ATP6V1C2: variants seen among roughly 807,000 people sequenced by gnomAD.
ATP6V1C2 encodes the protein ATPase H+ transporting V1 subunit C2, also known as V-type proton ATPase subunit C 2.
A neutral mutation model predicts 56.8 loss-of-function variants in ATP6V1C2; 45 were observed. That is an observed-to-expected ratio of 0.79 (90% CI 0.62 to 1.02). The LOEUF is 1.02. Ranked by LOEUF, ATP6V1C2 falls within the 50% of genes least tolerant of loss-of-function variation. ATP6V1C2 has a pLI of 0.00. For missense variants in ATP6V1C2, 463 were observed against 519.7 expected (o/e 0.89, Z 1.06); for synonymous variants, 220 against 201.3 (o/e 1.09, Z -0.79).
At chr2:10,774,243 G>A (rs1664812762) in intron 8 of ATP6V1C2, among the ~76,000 whole-genome samples, 1 of 152,220 alleles carries the variant, frequency 6.6e-6, no homozygotes, top group South Asian at 2.1e-4. Context: ...TGGGCCTGAG[G>A]GCTCCCACTT....
chr2:10,781,644 C>G (rs563752012), intron 12 of ATP6V1C2, among the ~76,000 whole-genome samples: 3 of 152,248 alleles, frequency 2.0e-5, no homozygotes, highest in African/African-American at 7.2e-5. Context: ...TAGGTGCTAA[C>G]TACTGAACAT....
chr2:10,747,538 C>T (rs1662987741), intron 3 of ATP6V1C2, among the ~76,000 whole-genome samples: 1 of 152,074 alleles, frequency 6.6e-6, no homozygotes, highest in African/African-American at 2.4e-5. Context: ...CTACAGATTT[C>T]ACTTGGATAT....
At chr2:10,722,323 A>T (rs1156750922) in intron 1 of ATP6V1C2, among the ~76,000 whole-genome samples, 1 of 152,152 alleles carries the variant, frequency 6.6e-6, no homozygotes, top group Non-Finnish European at 1.5e-5. Context: ...TTATTTAAAA[A>T]AATCCTCTGA....
Position 10,742,190 on chromosome 2 carries a change from G to A in ATP6V1C2, c.198-11791G>A, listed in dbSNP as rs867470951. 2.6e-5 allele frequency among the ~76,000 whole-genome samples: 4 copies of A among 152,290 alleles called. No homozygotes were observed. In the South Asian group the frequency reaches 6.2e-4, roughly 24 times the overall value. On this transcript the variant is annotated intron_variant, in intron 3 of 13. Coordinates refer to ENST00000272238, the MANE Select transcript of ATP6V1C2 (RefSeq NM_001039362.2). ...CTCCCAAAGTGCTGGGATTATAGGC[G>A]TGAGTCACCACGCTGGCCTTTCTGG...
At chr2:10,774,702 C>T in intron 8 of ATP6V1C2, 86 bp from the exon 9 acceptor site, 2 of 1,164,200 alleles carry the variant, frequency 1.7e-6, no homozygotes, top group Non-Finnish European at 2.5e-6. Context: ...ACCCCAGGTG[C>T]AGGCCACCAG....
intron 10 of ATP6V1C2, among the ~76,000 whole-genome samples, chr2:10,776,823 G>A (rs891611090): frequency 1.3e-5 from 2 of 152,170 alleles, no homozygotes; most frequent in African/African-American, 2.4e-5. Flanking sequence ...GGCTCAGGTT[G>A]CCAGCTGGCG....
Position 10,754,902 on chromosome 2 carries a change from G to A in ATP6V1C2, c.283+836G>A, listed in dbSNP as rs558123688. Among the ~76,000 whole-genome samples, 375 of 151,460 alleles carry A rather than the reference G, an allele frequency of 2.5e-3. 1 individual carries two copies. Among genetic ancestry groups the A allele is most frequent in the Non-Finnish European group, 2.2e-3 (147 of 67,798 alleles). On this transcript the variant is annotated intron_variant, in intron 4 of 13. Transcript: ENST00000272238. Reference sequence around the variant, plus strand: ...TATTATGATTATTTTCTGAGACGTGGTCTTGCCCAGGCTGGAGTGCAGTGG... The same window carrying A: ...TATTATGATTATTTTCTGAGACGTGATCTTGCCCAGGCTGGAGTGCAGTGG...
chr2:10,732,699 G>A (rs909612890), intron 3 of ATP6V1C2, among the ~76,000 whole-genome samples: 3 of 152,018 alleles, frequency 2.0e-5, no homozygotes, highest in East Asian at 3.9e-4. Flanking sequence ...AAGGCCAGGC[G>A]CGGTGGCTCA....
chr2:10,745,669 C>T (rs1329087349), intron 3 of ATP6V1C2, among the ~76,000 whole-genome samples: 2 of 151,956 alleles, frequency 1.3e-5, no homozygotes, highest in South Asian at 2.1e-4. Flanking sequence ...AGTTCAGTGG[C>T]GTTAAGTACG....
chr2:10,776,284 C>T (rs1394475188), intron 10 of ATP6V1C2, among the ~76,000 whole-genome samples: 9 of 138,062 alleles, frequency 6.5e-5, no homozygotes, highest in Admixed American at 3.5e-4. Flanking sequence ...TGTGTGTGCG[C>T]GCGCACGTGC....
Position 10,783,679 on chromosome 2 carries a change from T to C in ATP6V1C2, c.*416T>C. ...GGAAATCAGTTCTCACTGAGCCCGG[T>C]TTCCATGTAAAATCTCTGTTGTGGT... On this transcript the variant is annotated 3_prime_UTR_variant, in exon 14 of 14. Transcript: ENST00000272238. 6.1e-6 allele frequency: 1 copy of C among 162,686 alleles called. No homozygotes were observed. The allele number at this position is 162,686 out of a possible 1,614,324, so 10.1% of individuals were successfully genotyped here.
intron 3 of ATP6V1C2, among the ~76,000 whole-genome samples, chr2:10,745,481 A>G (rs1662858453): frequency 6.6e-6 from 1 of 151,294 alleles, no homozygotes; most frequent in Non-Finnish European, 1.5e-5. Flanking sequence ...CAGCCTCCCA[A>G]GTAGCTGGGA....
rs1661567205 is a variant in ATP6V1C2, at chr2:10,725,083, A to C, written c.130-1419A>C. On this transcript the variant is annotated intron_variant, in intron 2 of 13. Transcript: ENST00000272238. ...TTCTGATTCTGTGAAAAGACCTTTAAATACAATTTTGGACATTGTAGTAAT... is the reference window on the plus strand; with the variant it reads ...TTCTGATTCTGTGAAAAGACCTTTACATACAATTTTGGACATTGTAGTAAT... Among the ~76,000 whole-genome samples, 3 of 152,078 alleles carry C rather than the reference A, an allele frequency of 2.0e-5. No homozygotes were observed. In the South Asian group the frequency reaches 6.2e-4, roughly 32 times the overall value.
intron 10 of ATP6V1C2, among the ~76,000 whole-genome samples, chr2:10,777,269 C>G (rs947160623): frequency 3.9e-5 from 6 of 152,240 alleles, no homozygotes; most frequent in Admixed American, 3.3e-4. Context: ...CGGTGCTGTC[C>G]TGGTCGGCCT....
intron 3 of ATP6V1C2, among the ~76,000 whole-genome samples, chr2:10,740,106 AAAG>A (rs1662468552): frequency 6.6e-6 from 1 of 151,912 alleles, no homozygotes; most frequent in African/African-American, 2.4e-5. Flanking sequence ...AAAAAAAAGA[AAAG>A]AAAGTTGCAT....
At chr2:10,772,837 G>A (rs965408634) in intron 8 of ATP6V1C2, among the ~76,000 whole-genome samples, 2 of 31,328 alleles carry the variant, frequency 6.4e-5, no homozygotes, top group Admixed American at 5.7e-4. Context: ...CCCTGGGAAG[G>A]CTGCCCTGGC....
intron 3 of ATP6V1C2, among the ~76,000 whole-genome samples, chr2:10,744,870 C>T (rs1294041242): frequency 5.8e-4 from 88 of 151,100 alleles, no homozygotes. Flanking sequence ...GGGGTTTCAC[C>T]ATGTTGGCCA....
chr2:10,724,704 G>A (rs1015512752), intron 2 of ATP6V1C2, among the ~76,000 whole-genome samples: 20 of 143,656 alleles, frequency 1.4e-4, no homozygotes, highest in South Asian at 2.2e-4. Flanking sequence ...TTGGAGCCTC[G>A]CTCTGTCACC....
At chr2:10,769,002 A>G (rs1266178560) in intron 6 of ATP6V1C2, among the ~76,000 whole-genome samples, 192 bp downstream of exon 6, 1 of 152,142 alleles carries the variant, frequency 6.6e-6, no homozygotes, top group East Asian at 1.9e-4. Flanking sequence ...GGTGAGGGTG[A>G]TCACACCCCG....
Sources: allele counts gnomAD v4.1 joint callset (sites outside exome capture counted in the v4.1 genomes callset), GRCh38; gene constraint gnomAD v4.1.1; transcripts MANE v1.5; gene names NCBI Gene and HGNC (gene_info 2026-07-23, HGNC 2026-07-21).